Variants in PCBP3 observed in about 807,000 individuals in gnomAD.
PCBP3 encodes poly(rC) binding protein 3.
PCBP3 carries 25 observed loss-of-function variants against 52.7 expected under a neutral mutation model. The ratio of observed to expected loss-of-function variants is 0.47; its 90% CI spans 0.35 to 0.66. The LOEUF is 0.66. Among genes scored for constraint, PCBP3 ranks in the 30% least tolerant of loss-of-function variants. PCBP3 has a pLI of 0.01. For missense variants in PCBP3, 391 were observed against 490.3 expected (o/e 0.80, Z 1.91); for synonymous variants, 162 against 183.0 (o/e 0.89, Z 0.93).
intron 4 of PCBP3, among the ~76,000 whole-genome samples, chr21:45,814,962 G>C (rs1183142023): frequency 7.8e-6 from 1 of 127,510 alleles, no homozygotes; most frequent in East Asian, 2.7e-4. Flanking sequence ...AGTGAGTGGT[G>C]AGTGGTGAGT....
At chr21:45,739,634 G>A (rs1349858698) in intron 3 of PCBP3, among the ~76,000 whole-genome samples, 2 of 94,488 alleles carry the variant, frequency 2.1e-5, no homozygotes, top group East Asian at 2.9e-4. Context: ...ATTGTCCTCT[G>A]GGTGGCCCCT....
At chr21:45,664,686 TA>T (rs2080664666) in intron 1 of PCBP3, among the ~76,000 whole-genome samples, 1 of 151,610 alleles carries the variant, frequency 6.6e-6, no homozygotes, top group African/African-American at 2.4e-5. Flanking sequence ...TACATATGTA[TA>T]CATGTGCCAT....
rs2081147448 is a variant in PCBP3 at position 45,671,163 on chromosome 21, T to TG, written c.-200+2212dup. On this transcript the variant is annotated intron_variant, in intron 2 of 17. Coordinates refer to ENST00000681687, the MANE Select transcript of PCBP3 (RefSeq NM_001384156.1). ...GTTGACAGTTGCTTCCCAGTTTCAA[T>TG]GCTGTCCTGGGAAAGGGGAGCACAG... Among the ~76,000 whole-genome samples the TG allele has an allele frequency of 3.3e-5, 5 of 152,332 alleles. No individual in the cohort carries two copies. The South Asian group carries it at 1.0e-3, about 32-fold the overall frequency.
At chr21:45,757,472 G>A (rs1223177902) in intron 4 of PCBP3, among the ~76,000 whole-genome samples, 2 of 152,090 alleles carry the variant, frequency 1.3e-5, no homozygotes, top group Non-Finnish European at 2.9e-5. Flanking sequence ...TCATTTAGTA[G>A]GTTGTCTTTT....
At chr21:45,745,678 C>T (rs1426560630) in intron 3 of PCBP3, among the ~76,000 whole-genome samples, 2 of 152,226 alleles carry the variant, frequency 1.3e-5, no homozygotes, top group Admixed American at 1.3e-4. Flanking sequence ...TGCATTCTCC[C>T]GCTGGGCAGC....
intron 7 of PCBP3, among the ~76,000 whole-genome samples, chr21:45,900,126 G>A (rs1394731428): frequency 6.6e-6 from 1 of 152,214 alleles, no homozygotes; most frequent in Admixed American, 6.5e-5. Flanking sequence ...CGCTTCCGGG[G>A]GTCCTTCCCC....
chr21:45,764,512 ATGTTCTGACCC>A (rs1362546852), intron 4 of PCBP3, among the ~76,000 whole-genome samples: 1 of 152,204 alleles, frequency 6.6e-6, no homozygotes, highest in East Asian at 1.9e-4. Flanking sequence ...GGGGTGCTGC[ATGTTCTGACCC>A]TATTTCTGAC....
intron 4 of PCBP3, among the ~76,000 whole-genome samples, chr21:45,806,941 G>A (rs1261966763): frequency 6.6e-6 from 1 of 152,172 alleles, no homozygotes; most frequent in Non-Finnish European, 1.5e-5. Context: ...TGTGGACACT[G>A]CACACTCCAG....
intron 2 of PCBP3, among the ~76,000 whole-genome samples, chr21:45,712,239 G>A (rs9637169): frequency 0.17 from 25,991 of 152,142 alleles, 2,327 homozygotes; most frequent in Middle Eastern, 0.33. Context: ...GTGGATATAA[G>A]TTTTCAATTC....
chr21:45,807,388 CTAA>C (rs1167627217), intron 4 of PCBP3, among the ~76,000 whole-genome samples: 1 of 152,200 alleles, frequency 6.6e-6, no homozygotes, highest in African/African-American at 2.4e-5. Flanking sequence ...TTCCTCTACA[CTAA>C]TAATAGACAA....
chr21:45,842,668 A>G (rs1307492673), intron 4 of PCBP3, among the ~76,000 whole-genome samples: 10 of 152,264 alleles, frequency 6.6e-5, no homozygotes, highest in South Asian at 4.1e-4. Context: ...TCTTACATCA[A>G]TCTTCTGTTT....
chr21:45,898,176 G>T (rs747658465), intron 6 of PCBP3, among the ~76,000 whole-genome samples: 1 of 152,174 alleles, frequency 6.6e-6, no homozygotes, highest in Non-Finnish European at 1.5e-5. Flanking sequence ...CCAGGTGCAC[G>T]GCCCCATCTC....
rs2092338668 is a variant in PCBP3 at position 45,802,356 on chromosome 21, T to G, written c.-126+46904T>G. 2.0e-5 allele frequency among the ~76,000 whole-genome samples: 3 copies of G among 152,274 alleles called. No homozygotes were observed. The highest frequency in any genetic ancestry group is 3.4e-3 in the Middle Eastern group (1 of 294). On this transcript the variant is annotated intron_variant, in intron 4 of 17. Coordinates refer to ENST00000681687, the MANE Select transcript of PCBP3 (RefSeq NM_001384156.1). This position sits in a 1 kb window ranked among gnomAD's most constrained non-coding sequence, Gnocchi z 5.1. ...CTGTCTTCCATGGTCAGGATGCTCTTTCAAGACAGCCCTGATGGCATCACC... is the reference window on the plus strand; with the variant it reads ...CTGTCTTCCATGGTCAGGATGCTCTGTCAAGACAGCCCTGATGGCATCACC...
At chr21:45,893,834 TG>T in intron 5 of PCBP3, 6 of 985,384 alleles carry the variant, frequency 6.1e-6, no homozygotes, top group Non-Finnish European at 7.2e-6. Context: ...GCCAGTCCCA[TG>T]GGGCCTTGGA....
At chr21:45,688,368 T>C (rs902831245) in intron 2 of PCBP3, among the ~76,000 whole-genome samples, 9 of 152,198 alleles carry the variant, frequency 5.9e-5, no homozygotes, top group African/African-American at 2.2e-4. Flanking sequence ...ATAATAAGGT[T>C]ATTGATAAGA....
chr21:45,766,228 GC>G (rs2145657659), intron 4 of PCBP3, among the ~76,000 whole-genome samples: 1 of 152,346 alleles, frequency 6.6e-6, no homozygotes, highest in Non-Finnish European at 1.5e-5. Flanking sequence ...GTGTTGCTGT[GC>G]CTCACATGAC....
intron 2 of PCBP3, among the ~76,000 whole-genome samples, chr21:45,726,692 A>G (rs184820672): frequency 8.0e-4 from 122 of 152,188 alleles, no homozygotes; most frequent in African/African-American, 2.8e-3. Context: ...GTCTTCCACC[A>G]CGGCATTCAG....
chr21:45,898,149 TG>T lies in PCBP3; in HGVS notation c.166-1446del, dbSNP rs2095878506. On this transcript the variant is annotated intron_variant, in intron 6 of 17. Coordinates refer to ENST00000681687, the MANE Select transcript of PCBP3 (RefSeq NM_001384156.1). The stretch of plus-strand genomic sequence containing the variant: ...GTCAGGAGCCAAGGCGCATGGTAAA[TG>T]GGGCTCTCTGTGAGGCCAGGTGCAC... Among the ~76,000 whole-genome samples, 3 of 152,262 alleles carry T rather than the reference TG, an allele frequency of 2.0e-5. No individual in the cohort carries two copies. In the South Asian group the frequency reaches 6.2e-4, roughly 32 times the overall value.
chr21:45,707,708 G>A (rs951873068), intron 2 of PCBP3, among the ~76,000 whole-genome samples: 1 of 152,148 alleles, frequency 6.6e-6, no homozygotes, highest in African/African-American at 2.4e-5. Context: ...AAATACAGAG[G>A]TATTATTAGG....
Sources: allele counts gnomAD v4.1 joint callset (sites outside exome capture counted in the v4.1 genomes callset), GRCh38; gene constraint gnomAD v4.1.1; non-coding constraint Gnocchi (gnomAD v3.1); transcripts MANE v1.5; gene names NCBI Gene and HGNC (gene_info 2026-07-23, HGNC 2026-07-21).